Variants in CCSER1 observed in about 807,000 individuals in gnomAD.
CCSER1 encodes the protein serine-rich coiled-coil domain-containing protein 1.
A neutral mutation model predicts 82.0 loss-of-function variants in CCSER1; 41 were observed. The observed-to-expected ratio is 0.50, with a 90% CI of 0.39 to 0.65. The LOEUF (loss-of-function observed/expected upper bound fraction) is 0.65, where lower values mean the gene tolerates loss of function less well. CCSER1 is among the 30% of genes least tolerant of loss of function. CCSER1 has a pLI of 0.00. For synonymous variants in CCSER1, 414 were observed against 383.9 expected (o/e 1.08, Z -0.92); for missense variants, 1,119 against 1,064.2 (o/e 1.05, Z -0.72).
At chr4:90,579,973 T>C (rs1003995643) in intron 5 of CCSER1, among the ~76,000 whole-genome samples, 1 of 152,020 alleles carries the variant, frequency 6.6e-6, no homozygotes, top group Non-Finnish European at 1.5e-5. Flanking sequence ...CCATACTTAA[T>C]AGTAAGTGAA....
rs1730312746 is a variant in CCSER1, at chr4:90,933,009, AAAGAAAGAAAGAAAGAAAGAAAGAAAG to A, written c.2172+9565_2172+9591del. 3.6e-5 allele frequency among the ~76,000 whole-genome samples: 3 copies of A among 83,070 alleles called. 1 individual carries two copies. The highest frequency in any genetic ancestry group is 9.8e-5 in the African/African-American group (1 of 10,234). The allele number at this position is 83,070 out of a possible 152,430, so 54.5% of individuals were successfully genotyped here. On this transcript the variant is annotated intron_variant, in intron 9 of 10. Transcript: ENST00000509176. ...GAAAGAAAGAAAGAAAGAAAGAAAGAAAGAAAGAAAGAAAGAAAGAAAGAAAGAAAGAAAGAGAAGGAAGGAACGAAG... is the reference window on the plus strand; with the variant it reads ...GAAAGAAAGAAAGAAAGAAAGAAAGAAAAGAAAGAGAAGGAAGGAACGAAG...
At chr4:90,189,249 T>G (rs1037962040) in intron 1 of CCSER1, among the ~76,000 whole-genome samples, 2 of 151,968 alleles carry the variant, frequency 1.3e-5, no homozygotes, top group African/African-American at 2.4e-5. Flanking sequence ...AATATGGTTT[T>G]GTCAAGAAAG....
intron 1 of CCSER1, among the ~76,000 whole-genome samples, chr4:90,208,347 CTCCCCCAACCAAGCTCAAGTG>C (rs1293150354): frequency 6.6e-6 from 1 of 152,148 alleles, no homozygotes; most frequent in Non-Finnish European, 1.5e-5. Context: ...GCAGATGCCC[CTCCCCCAACCAAGCTCAAGTG>C]TCCCATGTCG....
chr4:90,909,698 C>G (rs944266416), intron 8 of CCSER1, among the ~76,000 whole-genome samples: 1 of 152,086 alleles, frequency 6.6e-6, no homozygotes, highest in African/African-American at 2.4e-5. Flanking sequence ...CTTTACGAGG[C>G]CTTTCTTAAT....
chr4:90,161,739 C>A (rs1228042121), intron 1 of CCSER1, among the ~76,000 whole-genome samples: 1 of 151,836 alleles, frequency 6.6e-6, no homozygotes, highest in African/African-American at 2.4e-5. Flanking sequence ...TTTCTCTGTG[C>A]ACTAATAGAA....
chr4:90,742,271 A>T (rs1315983021), intron 7 of CCSER1, among the ~76,000 whole-genome samples: 1 of 152,178 alleles, frequency 6.6e-6, no homozygotes, highest in Non-Finnish European at 1.5e-5. Flanking sequence ...GGGTGGGGAA[A>T]CAGAGCCAAA....
intron 5 of CCSER1, among the ~76,000 whole-genome samples, chr4:90,586,801 G>C (rs1284958308): frequency 6.6e-6 from 1 of 152,176 alleles, no homozygotes; most frequent in African/African-American, 2.4e-5. Context: ...GAATAAGGAA[G>C]TTTTCCAGAA....
chr4:90,484,610 G>C (rs192033385), intron 5 of CCSER1, among the ~76,000 whole-genome samples: 50 of 152,306 alleles, frequency 3.3e-4, no homozygotes, highest in South Asian at 4.1e-4. Flanking sequence ...CTCAGCTGCA[G>C]GTCTGTTGGA....
At chr4:90,804,022 G>T (rs1249352207) in intron 7 of CCSER1, among the ~76,000 whole-genome samples, 1 of 152,152 alleles carries the variant, frequency 6.6e-6, no homozygotes, top group African/African-American at 2.4e-5. Flanking sequence ...TTTGAGAAAT[G>T]TCTGTTCATA....
chr4:90,540,061 T>C (rs1244445710), intron 5 of CCSER1, among the ~76,000 whole-genome samples: 1 of 152,108 alleles, frequency 6.6e-6, no homozygotes, highest in African/African-American at 2.4e-5. Flanking sequence ...CAAATTAGTT[T>C]GTGCAGTTAG....
At chr4:91,543,281 G>A (rs1761704342) in intron 10 of CCSER1, among the ~76,000 whole-genome samples, 1 of 152,096 alleles carries the variant, frequency 6.6e-6, no homozygotes, top group Non-Finnish European at 1.5e-5. Context: ...TCTTTTAATT[G>A]GAGCATTTAT....
chr4:90,660,639 G>A lies in CCSER1; in HGVS notation c.1932+32407G>A, dbSNP rs184261766. Among the ~76,000 whole-genome samples the A allele has an allele frequency of 6.8e-3, 1,011 of 149,080 alleles. 14 individuals carry two copies. The highest frequency in any genetic ancestry group is 0.024 in the African/African-American group (984 of 40,558). On this transcript the variant is annotated intron_variant, in intron 6 of 10. Transcript: ENST00000509176. ...AGGAAAATAAGGGCAACATTATTAT[G>A]TTTTGATTTAAATTTGCAGGATTTA...
intron 3 of CCSER1, among the ~76,000 whole-genome samples, chr4:90,373,407 A>G (rs1747779709): frequency 6.6e-6 from 1 of 152,182 alleles, no homozygotes; most frequent in South Asian, 2.1e-4. Flanking sequence ...AGCACTGGAG[A>G]GTATTAAAGA....
At chr4:90,145,901 G>C (rs1287637644) in intron 1 of CCSER1, among the ~76,000 whole-genome samples, 1 of 151,924 alleles carries the variant, frequency 6.6e-6, no homozygotes, top group Non-Finnish European at 1.5e-5. Context: ...CATTGTCTTA[G>C]GGTACCTTTT....
intron 9 of CCSER1, among the ~76,000 whole-genome samples, chr4:90,982,321 G>A (rs1447014164): frequency 6.6e-6 from 1 of 151,616 alleles, no homozygotes. Context: ...CCACCTTCAT[G>A]ACTTCACGTA....
intron 1 of CCSER1, among the ~76,000 whole-genome samples, chr4:90,177,698 T>G (rs912033264): frequency 6.6e-6 from 1 of 152,016 alleles, no homozygotes; most frequent in African/African-American, 2.4e-5. Context: ...ATCAAGGGAG[T>G]TATTACTGCT....
chr4:90,276,240 T>C (rs888208979), intron 1 of CCSER1, among the ~76,000 whole-genome samples: 1 of 112,544 alleles, frequency 8.9e-6, no homozygotes, highest in Non-Finnish European at 1.8e-5. Flanking sequence ...CTTTCTTTCT[T>C]TCTTTCTTTC....
At chr4:91,069,313 G>T (rs28583822) in intron 9 of CCSER1, among the ~76,000 whole-genome samples, 25,007 of 151,884 alleles carry the variant, frequency 0.16, 2,197 homozygotes, top group Admixed American at 0.25. Context: ...TTGGTGATTT[G>T]CCCAAGGTTA....
At chr4:90,550,332 G>T (rs1015002077) in intron 5 of CCSER1, among the ~76,000 whole-genome samples, 1 of 152,048 alleles carries the variant, frequency 6.6e-6, no homozygotes, top group African/African-American at 2.4e-5. Flanking sequence ...TCTCTAAGAG[G>T]AAAATAAATA....
Sources: allele counts gnomAD v4.1 joint callset (sites outside exome capture counted in the v4.1 genomes callset), GRCh38; gene constraint gnomAD v4.1.1; transcripts MANE v1.5; gene names NCBI Gene and HGNC (gene_info 2026-07-23, HGNC 2026-07-21).